ZNF804B: variants seen among roughly 807,000 people sequenced by gnomAD.
ZNF804B encodes zinc finger 804B.
ZNF804B carries 80 observed loss-of-function variants against 101.4 expected under a neutral mutation model. The observed-to-expected ratio is 0.79, with a 90% CI of 0.66 to 0.95. The LOEUF (loss-of-function observed/expected upper bound fraction) is 0.95, where lower values mean the gene tolerates loss of function less well. ZNF804B is among the 40% of genes least tolerant of loss of function. The probability of loss-of-function intolerance (pLI) is 0.00; values close to 1 mark genes in which losing one functional copy is unlikely to be tolerated. For missense variants in ZNF804B, 1,673 were observed against 1,561.9 expected, an observed-to-expected ratio of 1.07 and a Z score of -1.20; for synonymous variants, 622 against 558.8, an observed-to-expected ratio of 1.11 and a Z score of -1.59.
intron 2 of ZNF804B, among the ~76,000 whole-genome samples, chr7:89,313,560 T>A (rs1013706446): frequency 2.0e-5 from 3 of 152,186 alleles, no homozygotes; most frequent in African/African-American, 7.2e-5. Context: ...GCCTGATCAA[T>A]TTGATTCTTC....
chr7:89,045,297 C>T (rs1301411827), intron 1 of ZNF804B, among the ~76,000 whole-genome samples: 2 of 152,170 alleles, frequency 1.3e-5, no homozygotes, highest in East Asian at 1.9e-4. Context: ...GGGGCGGAAC[C>T]CTCATAGAAA....
intron 1 of ZNF804B, among the ~76,000 whole-genome samples, chr7:88,949,555 A>T (rs1793186354): frequency 6.6e-6 from 1 of 151,906 alleles, no homozygotes; most frequent in Non-Finnish European, 1.5e-5. Flanking sequence ...TTAGGTTTTT[A>T]ATTTCCTTTA....
intron 1 of ZNF804B, among the ~76,000 whole-genome samples, chr7:89,139,008 TGTGCAC>T (rs2116390158): frequency 6.6e-6 from 1 of 152,230 alleles, no homozygotes; most frequent in Non-Finnish European, 1.5e-5. Flanking sequence ...TGTCTATATG[TGTGCAC>T]GTGCACGCAT....
chr7:89,178,184 G>T (rs751250464), intron 1 of ZNF804B, among the ~76,000 whole-genome samples: 9 of 151,778 alleles, frequency 5.9e-5, no homozygotes, highest in Non-Finnish European at 8.8e-5. Context: ...TATATTTCTT[G>T]TAGGCAGCAG....
chr7:89,193,911 T>A (rs1161860773), intron 1 of ZNF804B, among the ~76,000 whole-genome samples: 2 of 152,172 alleles, frequency 1.3e-5, no homozygotes, highest in Admixed American at 6.6e-5. Context: ...ATGGTTGAAC[T>A]AGTTTACAGT....
intron 2 of ZNF804B, among the ~76,000 whole-genome samples, chr7:89,266,624 A>T (rs899615537): frequency 1.3e-5 from 2 of 152,172 alleles, no homozygotes; most frequent in African/African-American, 4.8e-5. Flanking sequence ...TGTTATCCTA[A>T]CATTGATCTT....
intron 1 of ZNF804B, among the ~76,000 whole-genome samples, chr7:89,083,000 A>G (rs1789719374): frequency 6.6e-6 from 1 of 151,624 alleles, no homozygotes; most frequent in African/African-American, 2.4e-5. Flanking sequence ...TTTAATAATA[A>G]TCTGTGTTTT....
At chr7:88,802,888 G>A (rs1426374962) in intron 1 of ZNF804B, among the ~76,000 whole-genome samples, 1 of 152,086 alleles carries the variant, frequency 6.6e-6, no homozygotes, top group Non-Finnish European at 1.5e-5. Flanking sequence ...TTTTGCAATT[G>A]CCAGTTACGT....
chr7:89,337,448 A>G lies in ZNF804B; in HGVS notation c.*416A>G. Among the ~76,000 whole-genome samples, 1 of 152,154 alleles carries G rather than the reference A, an allele frequency of 6.6e-6. No individual in the cohort carries two copies. The highest frequency in any genetic ancestry group is 1.5e-5 in the Non-Finnish European group (1 of 68,000). ...GTTGATTTGGCTTATTTGTTAGATA[A>G]TAAAAGGTCAGTGAAATGAAGCAAT... On this transcript the variant is annotated 3_prime_UTR_variant, in exon 4 of 4. Coordinates refer to ENST00000333190, the MANE Select transcript of ZNF804B (RefSeq NM_181646.5).
At chr7:88,816,540 AAAAC>A (rs1439528318) in intron 1 of ZNF804B, among the ~76,000 whole-genome samples, 3 of 151,944 alleles carry the variant, frequency 2.0e-5, no homozygotes, top group Non-Finnish European at 4.4e-5. Flanking sequence ...TTACAAGAAA[AAAAC>A]AAACAACCCC....
chr7:88,854,041 A>G (rs1057384049), intron 1 of ZNF804B, among the ~76,000 whole-genome samples: 9 of 152,144 alleles, frequency 5.9e-5, no homozygotes, highest in Non-Finnish European at 1.2e-4. Context: ...TTTTTCAACT[A>G]TTTTTAATTC....
intron 1 of ZNF804B, chr7:88,794,798 T>C (rs1790451020): frequency 2.5e-6 from 4 of 1,613,722 alleles, no homozygotes; most frequent in Non-Finnish European, 3.4e-6. Flanking sequence ...AGAAACATCC[T>C]ATCAAGAAGG....
At chr7:89,137,247 C>A (rs994254875) in intron 1 of ZNF804B, among the ~76,000 whole-genome samples, 2 of 151,908 alleles carry the variant, frequency 1.3e-5, no homozygotes, top group African/African-American at 4.8e-5. Context: ...AAGGTGAAAG[C>A]TTTTTATTAT....
At chr7:88,996,564 T>C (rs1788201673) in intron 1 of ZNF804B, among the ~76,000 whole-genome samples, 1 of 152,108 alleles carries the variant, frequency 6.6e-6, no homozygotes. Context: ...TGAATCATTG[T>C]GGTTTTGGAT....
chr7:89,228,602 C>T (rs57522910), intron 2 of ZNF804B, among the ~76,000 whole-genome samples: 5,446 of 152,226 alleles, frequency 0.036, 302 homozygotes, highest in African/African-American at 0.12. Flanking sequence ...TGTTTACAAA[C>T]CTTGAGCTAG....
chr7:88,774,682 G>A (rs1244601830), intron 1 of ZNF804B, among the ~76,000 whole-genome samples: 3 of 152,166 alleles, frequency 2.0e-5, no homozygotes, highest in African/African-American at 7.2e-5. Context: ...TCAGGTGTTG[G>A]ATCTCTGAAA....
At chr7:89,114,000 G>A (rs760509755) in intron 1 of ZNF804B, among the ~76,000 whole-genome samples, 4 of 151,696 alleles carry the variant, frequency 2.6e-5, no homozygotes, top group Admixed American at 6.6e-5. Flanking sequence ...CAAGAATTAA[G>A]CTTAAACTGG....
rs1169152761 is a variant in ZNF804B at position 88,868,395 on chromosome 7, A to T, written c.108+108311A>T. On this transcript the variant is annotated intron_variant, in intron 1 of 3. Transcript: ENST00000333190. The stretch of plus-strand genomic sequence containing the variant: ...TAAAGGTATTTGAGTATAATATGTA[A>T]TCTATTATTTTCTCATTACTTCTAC... Among the ~76,000 whole-genome samples, 25 of 152,256 alleles carry T rather than the reference A, an allele frequency of 1.6e-4. No individual in the cohort carries two copies. In the South Asian group the frequency reaches 2.5e-3, roughly 15 times the overall value.
chr7:88,955,031 C>T lies in ZNF804B; in HGVS notation c.108+194947C>T, dbSNP rs369851058. Among the ~76,000 whole-genome samples the T allele has an allele frequency of 1.1e-3, 163 of 148,346 alleles. 1 individual carries two copies. The highest frequency in any genetic ancestry group is 3.1e-3 in the African/African-American group (126 of 40,318). On this transcript the variant is annotated intron_variant, in intron 1 of 3. Coordinates refer to ENST00000333190, the MANE Select transcript of ZNF804B (RefSeq NM_181646.5). Reference sequence around the variant, plus strand: ...ATCCTAGCTCTTAGGGTGGCTGAGGCGGGAGGATCTCTTGAGCTCAGGAGT... The same window carrying T: ...ATCCTAGCTCTTAGGGTGGCTGAGGTGGGAGGATCTCTTGAGCTCAGGAGT...
Sources: allele counts gnomAD v4.1 joint callset (sites outside exome capture counted in the v4.1 genomes callset), GRCh38; gene constraint gnomAD v4.1.1; transcripts MANE v1.5; gene names NCBI Gene and HGNC (gene_info 2026-07-23, HGNC 2026-07-21).